The following MPP7 variants were observed in gnomAD, a reference collection of about 807,000 sequenced individuals.
MPP7 encodes the protein MAGUK p55 scaffold protein 7, also known as MAGUK p55 subfamily member 7.
MPP7 carries 60 observed loss-of-function variants against 76.5 expected under a neutral mutation model. That is an observed-to-expected ratio of 0.78 (90% confidence interval 0.64 to 0.97). The LOEUF (loss-of-function observed/expected upper bound fraction) is 0.97. Ranked by LOEUF, MPP7 falls within the 50% of genes least tolerant of loss-of-function variation. The pLI is 0.00. For missense variants in MPP7, 641 were observed against 694.0 expected, an observed-to-expected ratio of 0.92 and a Z score of 0.86; for synonymous variants, 237 against 244.5, an observed-to-expected ratio of 0.97 and a Z score of 0.29.
chr10:28,241,969 C>T (rs1001456764), intron 1 of MPP7, among the ~76,000 whole-genome samples: 1 of 152,132 alleles, frequency 6.6e-6, no homozygotes, highest in Non-Finnish European at 1.5e-5. Context: ...TTAATGCTCC[C>T]GTGGCACTCA....
intron 2 of MPP7, among the ~76,000 whole-genome samples, chr10:28,309,992 C>A (rs967831335): frequency 2.1e-5 from 3 of 144,026 alleles, no homozygotes; most frequent in Non-Finnish European, 3.0e-5. Flanking sequence ...GGAGCCAATG[C>A]CAATTAAACC....
At chr10:28,280,784 C>CT (rs35873467) in intron 1 of MPP7, among the ~76,000 whole-genome samples, 11,282 of 152,130 alleles carry the variant, frequency 0.074, 556 homozygotes, top group Non-Finnish European at 0.11. Flanking sequence ...GCAGGCCAGA[C>CT]AAAGGTCACA....
At chr10:28,229,332 G>C (rs549694905) in intron 2 of MPP7, among the ~76,000 whole-genome samples, 1 of 152,130 alleles carries the variant, frequency 6.6e-6, no homozygotes, top group African/African-American at 2.4e-5. Flanking sequence ...TGCTTTCAGC[G>C]CACTGAGGAA....
intron 13 of MPP7, among the ~76,000 whole-genome samples, chr10:28,061,847 T>TTA (rs1421641116): frequency 6.6e-6 from 1 of 152,068 alleles, no homozygotes; most frequent in Non-Finnish European, 1.5e-5. Context: ...CACAGATTTA[T>TTA]TATAAATCAT....
At chr10:28,246,761 T>C (rs1839447763) in intron 1 of MPP7, among the ~76,000 whole-genome samples, 1 of 152,146 alleles carries the variant, frequency 6.6e-6, no homozygotes, top group Non-Finnish European at 1.5e-5. Flanking sequence ...AAACCACCAC[T>C]ATGATCCAAT....
chr10:28,132,125 T>C (rs1835213026), intron 5 of MPP7, among the ~76,000 whole-genome samples: 1 of 152,230 alleles, frequency 6.6e-6, no homozygotes, highest in South Asian at 2.1e-4. Flanking sequence ...TTTCCTACTA[T>C]TTTTTCTCCT....
chr10:28,196,291 G>C (rs990579186), intron 3 of MPP7, among the ~76,000 whole-genome samples: 1 of 152,064 alleles, frequency 6.6e-6, no homozygotes, highest in African/African-American at 2.4e-5. Context: ...GACCACCCTG[G>C]CCAACATGGT....
At chr10:28,286,064 G>A (rs186015927) in intron 1 of MPP7, among the ~76,000 whole-genome samples, 2 of 151,970 alleles carry the variant, frequency 1.3e-5, no homozygotes, top group Non-Finnish European at 1.5e-5. Context: ...ATTTTCTTTC[G>A]CCCGGGATGG....
chr10:28,277,982 C>T (rs796193847), intron 1 of MPP7, among the ~76,000 whole-genome samples: 8 of 151,966 alleles, frequency 5.3e-5, no homozygotes, highest in Non-Finnish European at 7.4e-5. Flanking sequence ...GAGCTATCCA[C>T]GTGAAATTGT....
In MPP7 at chr10:28,054,092, C is replaced by A; in HGVS notation, c.1704G>T (p.Trp568Cys). The A allele has an allele frequency of 6.2e-7, 1 of 1,613,712 alleles. No homozygotes were observed. Among genetic ancestry groups the A allele is most frequent in the African/African-American group, 1.3e-5 (1 of 75,006 alleles). ...ATGAATGTAACCAGCTCACTGGCAC[C>A]CAATGGGTCTCTGTCTCTAATTTGT... is the stretch of plus-strand genomic sequence containing the variant. Reference protein sequence around the residue: ...TFDKLETETHWVPVSWLHS With the variant: ...TFDKLETETHCVPVSWLHS Residue 568 changes from tryptophan (W) to cysteine (C), a missense_variant, in exon 17 of 17, where the codon TGG becomes TGT. By Grantham distance (215) the Trp-to-Cys change is radical. Coordinates refer to ENST00000683449, the MANE Select transcript of MPP7 (RefSeq NM_001318170.2).
intron 1 of MPP7, among the ~76,000 whole-genome samples, chr10:28,264,610 G>A (rs74129034): frequency 0.047 from 7,054 of 149,728 alleles, 345 homozygotes; most frequent in African/African-American, 0.12. Flanking sequence ...AATCTCAAAC[G>A]ATCAAAGAAA....
At chr10:28,260,091 A>G (rs531831409) in intron 1 of MPP7, among the ~76,000 whole-genome samples, 4 of 152,352 alleles carry the variant, frequency 2.6e-5, no homozygotes, top group African/African-American at 9.6e-5. Context: ...GATATTTAAC[A>G]AAACAAACAA....
At chr10:28,153,274 A>AG (rs1381807465) in intron 3 of MPP7, among the ~76,000 whole-genome samples, 1 of 152,156 alleles carries the variant, frequency 6.6e-6, no homozygotes, top group Non-Finnish European at 1.5e-5. Flanking sequence ...ACAAAAAAAA[A>AG]GTATACTTCA....
At chr10:28,139,192 G>C (rs1564652898) in intron 5 of MPP7, among the ~76,000 whole-genome samples, 1 of 152,180 alleles carries the variant, frequency 6.6e-6, no homozygotes. Flanking sequence ...GTATTTATTG[G>C]GTAGAAAGAG....
At chr10:28,160,285 T>C (rs1184732940) in intron 3 of MPP7, among the ~76,000 whole-genome samples, 7 of 152,206 alleles carry the variant, frequency 4.6e-5, no homozygotes, top group Non-Finnish European at 1.0e-4. Context: ...AGTATTCCCC[T>C]CTTCCTTCTA....
chr10:28,148,953 A>C (rs183567546), intron 4 of MPP7, among the ~76,000 whole-genome samples: 38 of 152,194 alleles, frequency 2.5e-4, no homozygotes, highest in Admixed American at 2.5e-3. Context: ...CATTTAAAAA[A>C]TTTTGCTTCA....
rs143120794 is a variant in MPP7, at chr10:28,174,307, G to A, written c.157-24248C>T. On this transcript the variant is annotated intron_variant, in intron 3 of 16. Coordinates refer to ENST00000683449, the MANE Select transcript of MPP7 (RefSeq NM_001318170.2). ...TGTTGGAGGTGGGGCCTGTTGGGAG[G>A]TGTGTGGGTCATGCGGACAGATCCC... is the stretch of plus-strand genomic sequence containing the variant. Among the ~76,000 whole-genome samples, 522 of 152,328 alleles carry A rather than the reference G, an allele frequency of 3.4e-3. 1 individual carries two copies. The highest frequency in any genetic ancestry group is 0.011 in the African/African-American group (456 of 41,574).
At chr10:28,081,674 A>G (rs1402118411) in intron 12 of MPP7, among the ~76,000 whole-genome samples, 2 of 152,130 alleles carry the variant, frequency 1.3e-5, no homozygotes, top group East Asian at 1.9e-4. Context: ...GAAAAATAAT[A>G]TTTTGTATTT....
chr10:28,293,198 A>G (rs1325891884), intron 1 of MPP7, among the ~76,000 whole-genome samples: 1 of 152,216 alleles, frequency 6.6e-6, no homozygotes, highest in East Asian at 1.9e-4. Context: ...GCTATAAATT[A>G]GGGCAGAAAA....
Sources: allele counts gnomAD v4.1 joint callset (sites outside exome capture counted in the v4.1 genomes callset), GRCh38; gene constraint gnomAD v4.1.1; transcripts MANE v1.5; gene names NCBI Gene and HGNC (gene_info 2026-07-23, HGNC 2026-07-21).